The following PPARA variants were observed in gnomAD, a reference collection of about 807,000 sequenced individuals.
PPARA encodes the protein peroxisome proliferator-activated receptor alpha.
In PPARA, 22 loss-of-function variants were observed where a neutral mutation model predicts 42.2. The ratio of observed to expected loss-of-function variants is 0.52; its 90% CI spans 0.37 to 0.74. The LOEUF is 0.74. PPARA is among the 30% of genes least tolerant of loss of function. The probability of loss-of-function intolerance (pLI) is 0.00; values close to 1 mark genes in which losing one functional copy is unlikely to be tolerated. For synonymous variants in PPARA, 242 were observed against 239.3 expected, an observed-to-expected ratio of 1.01 and a Z score of -0.10; for missense variants, 465 against 608.2, an observed-to-expected ratio of 0.76 and a Z score of 2.48.
intron 7 of PPARA, among the ~76,000 whole-genome samples, chr22:46,228,301 G>A (rs1444603376): frequency 6.6e-6 from 1 of 152,236 alleles, no homozygotes; most frequent in Non-Finnish European, 1.5e-5. Context: ...CTGGGAGGCT[G>A]AAGCGGGTGG....
rs1027986475 is a variant in PPARA at position 46,216,256 on chromosome 22, G to A, written c.369+923G>A. On this transcript the variant is annotated intron_variant, in intron 5 of 8. Coordinates refer to ENST00000407236, the MANE Select transcript of PPARA (RefSeq NM_005036.6). This position sits in a 1 kb window ranked among gnomAD's most constrained non-coding sequence, Gnocchi z 4.5. The stretch of plus-strand genomic sequence containing the variant: ...AAATTAGCCAGGTGTGGTGGTGGGT[G>A]CCTGTAATCCCAGCTACTTGGGAGG... Among the ~76,000 whole-genome samples the A allele has an allele frequency of 1.3e-5, 2 of 151,956 alleles. No individual in the cohort carries two copies. The highest frequency in any genetic ancestry group is 6.6e-5 in the Admixed American group (1 of 15,230).
At chr22:46,201,522 G>C (rs557023721) in intron 4 of PPARA, among the ~76,000 whole-genome samples, 1 of 152,288 alleles carries the variant, frequency 6.6e-6, no homozygotes, top group East Asian at 1.9e-4. Flanking sequence ...CAAGGAAAAG[G>C]CTCCGTGTCA....
intron 4 of PPARA, among the ~76,000 whole-genome samples, chr22:46,205,545 TATATATATA>T (rs1485799071): frequency 8.8e-4 from 31 of 35,316 alleles, no homozygotes; most frequent in African/African-American, 4.0e-3. Context: ...TATATATATA[TATATATATA>T]TTTTTTTTTT....
Position 46,233,973 on chromosome 22 carries a change from G to T in PPARA, c.1160-1160G>T, listed in dbSNP as rs534104358. 3.4e-4 allele frequency among the ~76,000 whole-genome samples: 52 copies of T among 152,216 alleles called. No individual in the cohort carries two copies. The highest frequency in any genetic ancestry group is 1.1e-3 in the African/African-American group (47 of 41,532). On this transcript the variant is annotated intron_variant, in intron 8 of 8. Coordinates refer to ENST00000407236, the MANE Select transcript of PPARA (RefSeq NM_005036.6). This position sits in a 1 kb window ranked among gnomAD's most constrained non-coding sequence, Gnocchi z 7.3. ...TGAGTAGCTGAGATTACAGGAACAT[G>T]CCAGCACACCTGGCTAATTTTTGTA...
rs1374939810 is a variant in PPARA, at chr22:46,222,121, GC to G, written c.711+2109del. On this transcript the variant is annotated intron_variant, in intron 7 of 8. Coordinates refer to ENST00000407236, the MANE Select transcript of PPARA (RefSeq NM_005036.6). This position sits in a 1 kb window ranked among gnomAD's most constrained non-coding sequence, Gnocchi z 5.9. ...AAGAAAGGACCACTTGTTATAGAAA[GC>G]CTGTCTTTTAAGGTAGCTCTGGACC... Among the ~76,000 whole-genome samples, 1 of 151,694 alleles carries G rather than the reference GC, an allele frequency of 6.6e-6. No individual in the cohort carries two copies. The highest frequency in any genetic ancestry group is 6.6e-5 in the Admixed American group (1 of 15,204).
In PPARA at chr22:46,182,565, G is replaced by T. The variant is rs551686236; in HGVS notation, c.-43+5729G>T. ...TGACAGTGGGCATGGAGGGGCAAGA[G>T]GGAGAGATTAGATGGGCACAGGAGA... On this transcript the variant is annotated intron_variant, in intron 3 of 8. Transcript: ENST00000407236. This position sits in a 1 kb window ranked among gnomAD's most constrained non-coding sequence, Gnocchi z 5.2. Among the ~76,000 whole-genome samples, 44 of 152,304 alleles carry T rather than the reference G, an allele frequency of 2.9e-4. No homozygotes were observed. The highest frequency in any genetic ancestry group is 1.0e-3 in the African/African-American group (42 of 41,584).
At chr22:46,154,793 C>G (rs994009768) in intron 2 of PPARA, among the ~76,000 whole-genome samples, 1 of 150,750 alleles carries the variant, frequency 6.6e-6, no homozygotes, top group Non-Finnish European at 1.5e-5. Flanking sequence ...CCCACCTCAG[C>G]CTCCCAAGCA....
intron 3 of PPARA, among the ~76,000 whole-genome samples, chr22:46,197,677 G>A (rs952299367): frequency 4.0e-5 from 6 of 151,806 alleles, no homozygotes; most frequent in South Asian, 2.1e-4. Context: ...CGAGGCGGGC[G>A]GATCACCTGA....
chr22:46,165,000 C>G (rs1926821275), intron 2 of PPARA: 1 of 152,018 alleles, frequency 6.6e-6, no homozygotes. Flanking sequence ...AGTTGGGGAA[C>G]TCCATTTCTT....
chr22:46,175,155 C>T (rs994365128), intron 2 of PPARA, among the ~76,000 whole-genome samples: 4 of 152,048 alleles, frequency 2.6e-5, no homozygotes, highest in Admixed American at 6.6e-5. Flanking sequence ...GTGATCTGCC[C>T]GCCTTGGCCT....
chr22:46,198,115 G>A (rs113376171), intron 3 of PPARA, among the ~76,000 whole-genome samples: 1,691 of 148,734 alleles, frequency 0.011, 30 homozygotes, highest in African/African-American at 0.039. Flanking sequence ...GCAGGCGCCT[G>A]TAGTCCCAGC....
rs1936302471 is a variant in PPARA, at chr22:46,239,231, C to T, written c.*3851C>T. On this transcript the variant is annotated 3_prime_UTR_variant, in exon 9 of 9. Coordinates refer to ENST00000407236, the MANE Select transcript of PPARA (RefSeq NM_005036.6). ...GGAAACAGCCTTCCTGGAGCGTTGT[C>T]TGGAGGTTCCAGGGACAGGGCAGCC... is the stretch of plus-strand genomic sequence containing the variant. The T allele has an allele frequency of 6.6e-6, 1 of 152,156 alleles. No individual in the cohort carries two copies. The highest frequency in any genetic ancestry group is 1.5e-5 in the Non-Finnish European group (1 of 68,076). 9.4% of individuals were successfully genotyped at this position (152,156 alleles called of 1,614,324 possible).
chr22:46,213,141 A>G (rs1934098817), intron 4 of PPARA, among the ~76,000 whole-genome samples: 2 of 152,186 alleles, frequency 1.3e-5, no homozygotes, highest in South Asian at 4.1e-4. Flanking sequence ...AATGTCCTCC[A>G]AGGGGGCTGT....
At position 46,182,907 on chromosome 22, in the gene PPARA, G is replaced by A. The variant is rs2147271138; in HGVS notation, c.-43+6071G>A. On this transcript the variant is annotated intron_variant, in intron 3 of 8. Coordinates refer to ENST00000407236, the MANE Select transcript of PPARA (RefSeq NM_005036.6). The surrounding 1 kb of genome is among the most constrained non-coding windows in gnomAD (Gnocchi z 5.2). ...CTACAGGCATACGCCACCATGCCCA[G>A]CTAATTTTTCTATTTTTAGTAAAGA... Among the ~76,000 whole-genome samples the A allele has an allele frequency of 6.6e-6, 1 of 152,214 alleles. No individual in the cohort carries two copies. Among genetic ancestry groups the A allele is most frequent in the Non-Finnish European group, 1.5e-5 (1 of 68,008 alleles).
rs1466748964 is a variant in PPARA at position 46,161,299 on chromosome 22, G to A, written c.-127+9329G>A. On this transcript the variant is annotated intron_variant, in intron 2 of 8. Coordinates refer to ENST00000407236, the MANE Select transcript of PPARA (RefSeq NM_005036.6). This position sits in a 1 kb window ranked among gnomAD's most constrained non-coding sequence, Gnocchi z 4.8. ...GCCCAATTATGGTATCAGGTCTGTT[G>A]TAGACTCTTCAAGGAGGAAGCCTCT... 6.6e-6 allele frequency among the ~76,000 whole-genome samples: 1 copy of A among 152,190 alleles called. No homozygotes were observed. The highest frequency in any genetic ancestry group is 2.4e-5 in the African/African-American group (1 of 41,446).
rs978265022 is a variant in PPARA, at chr22:46,227,611, A to G, written c.712-4181A>G. Among the ~76,000 whole-genome samples, 1 of 152,166 alleles carries G rather than the reference A, an allele frequency of 6.6e-6. No individual in the cohort carries two copies. The highest frequency in any genetic ancestry group is 2.4e-5 in the African/African-American group (1 of 41,442). On this transcript the variant is annotated intron_variant, in intron 7 of 8. Coordinates refer to ENST00000407236, the MANE Select transcript of PPARA (RefSeq NM_005036.6). The surrounding 1 kb of genome is among the most constrained non-coding windows in gnomAD (Gnocchi z 4.3). ...TAACAGAGATGAATTCTCATGAGTG[A>G]TATCATTGAGCTTCGTAGGCCACAT...
At position 46,198,512 on chromosome 22, in the gene PPARA, G is replaced by C. The variant is rs772824944; in HGVS notation, c.129G>C (p.Glu43Asp). Reference protein sequence around the residue: ...NIQEISQSIGEDSSGSFGFTE... With the variant: ...NIQEISQSIGDDSSGSFGFTE... ...AAGAGATTTCGCAATCCATCGGCGA[G>C]GATAGTTCTGGAAGCTTTGGCTTTA... is the stretch of plus-strand genomic sequence containing the variant. Residue 43 changes from glutamate (E) to aspartate (D), a missense_variant, in exon 4 of 9, where the codon GAG becomes GAC. Around this residue, in one of 2 missense-constraint regions of PPARA, gnomAD observed 152 missense variants for 139.1 expected, o/e 1.09. Transcript: ENST00000407236. 1.2e-6 allele frequency: 2 copies of C among 1,614,058 alleles called. No homozygotes were observed. The highest frequency in any genetic ancestry group is 1.7e-6 in the Non-Finnish European group (2 of 1,180,008).
At position 46,219,942 on chromosome 22, in the gene PPARA, C is replaced by G. The variant is rs1269634864; in HGVS notation, c.639C>G (p.Ala213=). 4.3e-6 allele frequency: 7 copies of G among 1,614,082 alleles called. No individual in the cohort carries two copies. The highest frequency in any genetic ancestry group is 4.0e-5 in the African/African-American group (3 of 74,924). The part of the protein sequence containing the change: ...LKSLAKRIYE[A]YLKNFNMNKV... Reference sequence around the variant, plus strand: ...CTCTGGCCAAGAGAATCTACGAGGCCTACTTGAAGAACTTCAACATGAACA... The same window carrying G: ...CTCTGGCCAAGAGAATCTACGAGGCGTACTTGAAGAACTTCAACATGAACA... Residue 213 remains alanine (A), a synonymous_variant, in exon 7 of 9, where the codon GCC becomes GCG. Coordinates refer to ENST00000407236, the MANE Select transcript of PPARA (RefSeq NM_005036.6). The surrounding 1 kb of genome is among the most constrained non-coding windows in gnomAD (Gnocchi z 4.8).
In PPARA at chr22:46,235,743, C is replaced by T; in HGVS notation, c.*363C>T. On this transcript the variant is annotated 3_prime_UTR_variant, in exon 9 of 9. Transcript: ENST00000407236. This position sits in a 1 kb window ranked among gnomAD's most constrained non-coding sequence, Gnocchi z 7.0. ...CCTCAAAATTCGTGGCCTGTCTTCC[C>T]ATTCACCCCGCTTTTGACTATTGTG... The T allele has an allele frequency of 3.0e-6, 1 of 332,422 alleles. No homozygotes were observed. Among genetic ancestry groups the T allele is most frequent in the South Asian group, 2.8e-5 (1 of 35,850 alleles). 20.6% of individuals were successfully genotyped at this position (332,422 alleles called of 1,614,324 possible).
Sources: gnomAD v4.1 joint callset for allele counts (sites outside exome capture counted in the v4.1 genomes callset) on GRCh38, gnomAD v4.1.1 for gene constraint, gnomAD v4.1.1 regional missense constraint, Gnocchi (gnomAD v3.1) non-coding constraint, MANE v1.5 for transcripts, NCBI Gene and HGNC (gene_info 2026-07-23, HGNC 2026-07-21) for gene names.